Variants in MAP7 observed in about 807,000 individuals in gnomAD.
The protein encoded by MAP7 is microtubule associated protein 7, also known as ensconsin.
A neutral mutation model predicts 94.8 loss-of-function variants in MAP7; 52 were observed. That is an observed-to-expected ratio of 0.55 (90% CI 0.44 to 0.69). The LOEUF (loss-of-function observed/expected upper bound fraction) is 0.69. Among genes scored for constraint, MAP7 ranks in the 30% least tolerant of loss-of-function variants. The pLI, the probability that MAP7 is intolerant of heterozygous loss-of-function variation, is 0.00. For missense variants in MAP7, 940 were observed against 964.6 expected (o/e 0.97, Z 0.34); for synonymous variants, 350 against 357.0 (o/e 0.98, Z 0.22).
At chr6:136,406,489 G>C (rs552323734) in intron 3 of MAP7, among the ~76,000 whole-genome samples, 13 of 152,122 alleles carry the variant, frequency 8.5e-5, no homozygotes, top group Non-Finnish European at 1.6e-4. Flanking sequence ...TTTTAACATG[G>C]ACTGTGGTGA....
intron 1 of MAP7, among the ~76,000 whole-genome samples, chr6:136,544,162 T>A (rs1022091554): frequency 1.3e-5 from 2 of 152,234 alleles, no homozygotes; most frequent in African/African-American, 4.8e-5. Flanking sequence ...GCTCAAGCGA[T>A]CTGCCCGCCT....
At chr6:136,398,061 T>C (rs1783013820) in intron 3 of MAP7, among the ~76,000 whole-genome samples, 1 of 152,128 alleles carries the variant, frequency 6.6e-6, no homozygotes, top group South Asian at 2.1e-4. Flanking sequence ...TTAATGACAC[T>C]GTAACAATAT....
intron 16 of MAP7, among the ~76,000 whole-genome samples, chr6:136,346,592 C>T (rs1787771263): frequency 6.6e-6 from 1 of 152,086 alleles, no homozygotes; most frequent in Non-Finnish European, 1.5e-5. Context: ...TTAAATCTGT[C>T]ATTTTGTTAT....
chr6:136,410,562 T>C (rs1787124899), intron 3 of MAP7, among the ~76,000 whole-genome samples: 1 of 152,240 alleles, frequency 6.6e-6, no homozygotes. Context: ...CAGCAGAGCA[T>C]GTTCACTTCC....
intron 1 of MAP7, among the ~76,000 whole-genome samples, chr6:136,446,483 C>A (rs1396532627): frequency 6.6e-6 from 1 of 152,204 alleles, no homozygotes; most frequent in African/African-American, 2.4e-5. Context: ...AGCCTCACTG[C>A]TAAGGCATCA....
rs1477760854 is a variant in MAP7, at chr6:136,394,968, A to ATATATC, written c.245-5452_245-5451insGATATA. On this transcript the variant is annotated intron_variant, in intron 3 of 17. Coordinates refer to ENST00000354570, the MANE Select transcript of MAP7 (RefSeq NM_003980.6). ...TATATATATATATATATATATATAT[A>ATATATC]TATCACATTTTCCTTATCCATTCAT... 5.6e-4 allele frequency among the ~76,000 whole-genome samples: 73 copies of ATATATC among 130,590 alleles called. 3 individuals are homozygous for ATATATC. The highest frequency in any genetic ancestry group is 1.9e-3 in the African/African-American group (67 of 34,986). 85.7% of individuals were successfully genotyped at this position (130,590 alleles called of 152,430 possible). A position where few individuals can be genotyped will look rare whatever the true frequency, so the allele number is the denominator to read the frequency against.
At chr6:136,497,704 C>T (rs1464885836) in intron 1 of MAP7, among the ~76,000 whole-genome samples, 1 of 145,896 alleles carries the variant, frequency 6.9e-6, no homozygotes, top group African/African-American at 2.6e-5. Flanking sequence ...GAGGCTGAGG[C>T]AGGAGAATCG....
At chr6:136,441,765 A>T (rs1797930922) in intron 1 of MAP7, among the ~76,000 whole-genome samples, 1 of 152,164 alleles carries the variant, frequency 6.6e-6, no homozygotes, top group South Asian at 2.1e-4. Context: ...CTGTAATCCC[A>T]ACACTTTGGA....
Position 136,365,242 on chromosome 6 carries a change from T to G in MAP7, c.1273+493A>C, listed in dbSNP as rs562843098. 1.4e-4 allele frequency among the ~76,000 whole-genome samples: 21 copies of G among 152,340 alleles called. No individual in the cohort carries two copies. In the South Asian group the frequency reaches 1.4e-3, roughly 11 times the overall value. On this transcript the variant is annotated intron_variant, in intron 10 of 17. Coordinates refer to ENST00000354570, the MANE Select transcript of MAP7 (RefSeq NM_003980.6). ...ATGGAAGCAAACACTGGACTCCTCC[T>G]TTCTCTACCATTTTCACCTGTCTTG...
chr6:136,490,657 A>G (rs1816291746), intron 1 of MAP7, among the ~76,000 whole-genome samples: 1 of 152,256 alleles, frequency 6.6e-6, no homozygotes, highest in African/African-American at 2.4e-5. Flanking sequence ...TTCAGACGTC[A>G]GCACATAGCA....
rs559617889 is a variant in MAP7 at position 136,460,522 on chromosome 6, G to A, written c.68-38723C>T. On this transcript the variant is annotated intron_variant, in intron 1 of 17. Coordinates refer to ENST00000354570, the MANE Select transcript of MAP7 (RefSeq NM_003980.6). ...TGAAACTGGTTTATCTTCCTAATTCGTCACCTAAAAACAGTTTACATATCA... is the reference window on the plus strand; with the variant it reads ...TGAAACTGGTTTATCTTCCTAATTCATCACCTAAAAACAGTTTACATATCA... Among the ~76,000 whole-genome samples, 7 of 152,160 alleles carry A rather than the reference G, an allele frequency of 4.6e-5. No homozygotes were observed. The South Asian group carries it at 6.2e-4, about 14-fold the overall frequency.
At chr6:136,517,845 G>A (rs1825307152) in intron 1 of MAP7, among the ~76,000 whole-genome samples, 2 of 152,134 alleles carry the variant, frequency 1.3e-5, no homozygotes, top group Non-Finnish European at 2.9e-5. Context: ...CCCTGATAAG[G>A]GCTGGTTCTG....
At chr6:136,487,518 T>C (rs1311196618) in intron 1 of MAP7, among the ~76,000 whole-genome samples, 2 of 151,826 alleles carry the variant, frequency 1.3e-5, no homozygotes, top group Admixed American at 1.3e-4. Context: ...CTGGGTAACA[T>C]AGCGAGATCC....
intron 1 of MAP7, among the ~76,000 whole-genome samples, chr6:136,521,315 T>C (rs1032785183): frequency 6.6e-6 from 1 of 152,208 alleles, no homozygotes; most frequent in African/African-American, 2.4e-5. Context: ...AATGGGCAGA[T>C]ATTTCCATTG....
At chr6:136,424,735 T>C (rs2179287) in intron 1 of MAP7, among the ~76,000 whole-genome samples, 127,323 of 152,236 alleles carry the variant, frequency 0.84, 53,328 homozygotes, top group Middle Eastern at 0.87. Flanking sequence ...CTCTCAACTG[T>C]TCAGAATAAC....
intron 1 of MAP7, among the ~76,000 whole-genome samples, chr6:136,440,264 C>G (rs1390566497): frequency 6.6e-6 from 1 of 152,106 alleles, no homozygotes; most frequent in Non-Finnish European, 1.5e-5. Context: ...TTGAAGTCTT[C>G]CAAGGCAGAC....
At chr6:136,502,799 A>G (rs1046611022) in intron 1 of MAP7, among the ~76,000 whole-genome samples, 4 of 152,216 alleles carry the variant, frequency 2.6e-5, no homozygotes, top group African/African-American at 9.6e-5. Context: ...CTTATAATTG[A>G]TATGAATAGA....
intron 3 of MAP7, among the ~76,000 whole-genome samples, chr6:136,399,125 T>G (rs1028059427): frequency 2.6e-5 from 4 of 152,156 alleles, no homozygotes; most frequent in African/African-American, 9.7e-5. Flanking sequence ...AGTAATATAA[T>G]GAAGAGTCAG....
chr6:136,401,595 C>T (rs979043330), intron 3 of MAP7, among the ~76,000 whole-genome samples: 1 of 152,044 alleles, frequency 6.6e-6, no homozygotes, highest in African/African-American at 2.4e-5. Flanking sequence ...AACACTTGGA[C>T]ACAGGATAGG....
Sources: allele counts gnomAD v4.1 joint callset (sites outside exome capture counted in the v4.1 genomes callset), GRCh38; gene constraint gnomAD v4.1.1; transcripts MANE v1.5; gene names NCBI Gene and HGNC (gene_info 2026-07-23, HGNC 2026-07-21).